The following LRP6 variants were observed in gnomAD, a reference collection of about 807,000 sequenced individuals.
LRP6 encodes LDL receptor related protein 6, also known as low-density lipoprotein receptor-related protein 6.
Under a neutral mutation model 184.1 loss-of-function variants are expected in LRP6, and 43 were observed. The ratio of observed to expected loss-of-function variants is 0.23; its 90% CI spans 0.18 to 0.30. The LOEUF (loss-of-function observed/expected upper bound fraction) is 0.30. Among genes scored for constraint, LRP6 ranks in the 10% least tolerant of loss-of-function variants. The pLI is 1.00. For missense variants in LRP6, 1,571 were observed against 2,005.3 expected (o/e 0.78, Z 4.14); for synonymous variants, 719 against 684.9 (o/e 1.05, Z -0.78).
intron 17 of LRP6, 137 bp from the exon 18 acceptor site, chr12:12,132,194 T>C (rs911365271): frequency 7.9e-5 from 55 of 694,814 alleles, no homozygotes; most frequent in African/African-American, 1.4e-4. Context: ...TTTATAACTA[T>C]CTCATCTATT....
chr12:12,226,314 C>CA (rs1315367799), intron 2 of LRP6, among the ~76,000 whole-genome samples: 5 of 152,152 alleles, frequency 3.3e-5, no homozygotes, highest in East Asian at 3.9e-4. Flanking sequence ...TACTAAAAGA[C>CA]AAAAAAGCAG....
intron 9 of LRP6, 132 bp downstream of exon 9, chr12:12,164,141 A>C (rs1252618362): frequency 1.2e-5 from 10 of 831,870 alleles, no homozygotes; most frequent in East Asian, 7.9e-5. Context: ...AAAAAAAAAA[A>C]AAAACTTGAG....
chr12:12,126,642 G>A, intron 20 of LRP6, 49 bp downstream of exon 20: 1 of 1,425,814 alleles, frequency 7.0e-7, no homozygotes, highest in Non-Finnish European at 9.9e-7. Context: ...GAAACTGGCA[G>A]TCTTGCAGGA....
chr12:12,148,168 A>G (rs1950035367), intron 14 of LRP6, among the ~76,000 whole-genome samples: 1 of 151,846 alleles, frequency 6.6e-6, no homozygotes, highest in Non-Finnish European at 1.5e-5. Context: ...AGGTACACAG[A>G]AGTTATTAGG....
chr12:12,194,153 T>C (rs1863690744), intron 3 of LRP6, among the ~76,000 whole-genome samples: 2 of 152,022 alleles, frequency 1.3e-5, no homozygotes, highest in South Asian at 4.1e-4. Flanking sequence ...TTATTCATGG[T>C]AAATCTGTCC....
chr12:12,158,961 G>A lies in LRP6; in HGVS notation c.2659C>T (p.Gln887Ter). The A allele has an allele frequency of 6.2e-7, 1 of 1,614,248 alleles. No homozygotes were observed. The highest frequency in any genetic ancestry group is 8.5e-7 in the Non-Finnish European group (1 of 1,180,044). The change falls in exon 12 of 23, where the codon CAG (glutamine) becomes TAG (stop). Residue 887 changes from glutamine to a stop codon, truncating the protein, a stop_gained. Transcript: ENST00000261349. LOFTEE classifies it high-confidence loss of function. ...MDILVFHSSR[Q>*]SGWNECASSN... is the part of the protein sequence containing the mutation. The stretch of plus-strand genomic sequence containing the variant: ...GAAGCACATTCATTCCACCCTGACT[G>A]TCGAGATGAGTGAAAGACGAGGATG...
intron 7 of LRP6, 107 bp from the exon 8 acceptor site, chr12:12,165,402 G>GA: frequency 1.2e-6 from 1 of 804,946 alleles, no homozygotes; most frequent in Non-Finnish European, 2.2e-6. Flanking sequence ...AGTCATCTTG[G>GA]TATTCCTATT....
chr12:12,264,829 G>A (rs998140609), intron 1 of LRP6, among the ~76,000 whole-genome samples: 5 of 152,034 alleles, frequency 3.3e-5, no homozygotes, highest in Non-Finnish European at 7.4e-5. Context: ...ACCATATTTC[G>A]CCACATTTAA....
At chr12:12,143,835 T>C (rs917856149) in intron 15 of LRP6, among the ~76,000 whole-genome samples, 3 of 152,230 alleles carry the variant, frequency 2.0e-5, no homozygotes, top group African/African-American at 7.2e-5. Context: ...CTTTCTTTTT[T>C]CTTATTGCTA....
At chr12:12,203,576 C>T (rs1863972223) in intron 2 of LRP6, among the ~76,000 whole-genome samples, 176 bp from the exon 3 acceptor site, 1 of 152,108 alleles carries the variant, frequency 6.6e-6, no homozygotes, top group Admixed American at 6.6e-5. Flanking sequence ...ACCATCCTGG[C>T]CAACATGGTA....
chr12:12,132,500 T>C (rs1949773390), intron 17 of LRP6, among the ~76,000 whole-genome samples: 1 of 152,218 alleles, frequency 6.6e-6, no homozygotes, highest in African/African-American at 2.4e-5. Context: ...AAAACTATTT[T>C]TATAATAACA....
At chr12:12,180,263 A>G (rs61920849) in intron 6 of LRP6, among the ~76,000 whole-genome samples, 3 of 145,064 alleles carry the variant, frequency 2.1e-5, no homozygotes, top group Non-Finnish European at 3.0e-5. Flanking sequence ...TTTTTTTTAA[A>G]TATTTTGTGT....
chr12:12,222,654 C>G (rs1681660153), intron 2 of LRP6, among the ~76,000 whole-genome samples: 1 of 151,778 alleles, frequency 6.6e-6, no homozygotes, highest in African/African-American at 2.4e-5. Flanking sequence ...CCTGAAACTG[C>G]AGAGTACCAA....
rs191723746 is a variant in LRP6 at position 12,133,736 on chromosome 12, T to C, written c.3733+1439A>G. Among the ~76,000 whole-genome samples the C allele has an allele frequency of 2.6e-5, 4 of 151,102 alleles. No homozygotes were observed. The Admixed American group carries it at 2.7e-4, about 10-fold the overall frequency. ...GATATTTTCAAACTGGAAGATGAGA[T>C]CCTTGACTCAGTTTTATCCATGTTA... On this transcript the variant is annotated intron_variant, in intron 17 of 22. Transcript: ENST00000261349.
intron 1 of LRP6, 62 bp from the exon 2 acceptor site, chr12:12,244,717 C>T: frequency 1.3e-6 from 2 of 1,555,000 alleles, no homozygotes; most frequent in South Asian, 2.3e-5. Flanking sequence ...TTCTTATAAA[C>T]TGCGTTTCAA....
chr12:12,251,550 A>T (rs1865326550), intron 1 of LRP6, among the ~76,000 whole-genome samples: 1 of 151,506 alleles, frequency 6.6e-6, no homozygotes, highest in Admixed American at 6.6e-5. Flanking sequence ...CATTTTTTTT[A>T]GTAGAGACAG....
intron 3 of LRP6, among the ~76,000 whole-genome samples, chr12:12,202,667 A>T (rs895646922): frequency 2.0e-5 from 3 of 152,256 alleles, no homozygotes; most frequent in African/African-American, 7.2e-5. Context: ...CATAAGCCTA[A>T]AATATTTACT....
chr12:12,254,746 G>A (rs1193594574), intron 1 of LRP6, among the ~76,000 whole-genome samples: 2 of 152,172 alleles, frequency 1.3e-5, no homozygotes, highest in East Asian at 1.9e-4. Flanking sequence ...AACGCTTACA[G>A]TCCTCTTAGG....
chr12:12,259,348 C>T (rs921662510), intron 1 of LRP6, among the ~76,000 whole-genome samples: 2 of 151,396 alleles, frequency 1.3e-5, no homozygotes, highest in South Asian at 4.2e-4. Context: ...GTGTTAATAA[C>T]TTACATAACT....
Sources: gnomAD v4.1 joint callset for allele counts (sites outside exome capture counted in the v4.1 genomes callset) on GRCh38, gnomAD v4.1.1 for gene constraint, MANE v1.5 for transcripts, NCBI Gene and HGNC (gene_info 2026-07-23, HGNC 2026-07-21) for gene names.